ENPP2: variants seen among roughly 807,000 people sequenced by gnomAD.
ENPP2 encodes ectonucleotide pyrophosphatase/phosphodiesterase 2.
A neutral mutation model predicts 120.2 loss-of-function variants in ENPP2; 51 were observed. The ratio of observed to expected loss-of-function variants is 0.42; its 90% CI spans 0.34 to 0.54. The LOEUF (loss-of-function observed/expected upper bound fraction) is 0.54, where lower values mean the gene tolerates loss of function less well. ENPP2 is among the 20% of genes least tolerant of loss of function. The probability of loss-of-function intolerance (pLI) is 0.04; values close to 1 mark genes in which losing one functional copy is unlikely to be tolerated. For synonymous variants in ENPP2, 365 were observed against 366.4 expected (o/e 1.00, Z 0.04); for missense variants, 920 against 1,066.5 (o/e 0.86, Z 1.91).
At chr8:119,667,378 T>C (rs1304686505) in intron 1 of ENPP2, among the ~76,000 whole-genome samples, 1 of 152,214 alleles carries the variant, frequency 6.6e-6, no homozygotes, top group East Asian at 1.9e-4. Context: ...AATTCTTTAT[T>C]GTATTGAGCT....
At position 119,580,263 on chromosome 8, in the gene ENPP2, C is replaced by G. The variant is rs1359036812; in HGVS notation, c.1729-96G>C. On this transcript the variant is annotated intron_variant, in intron 18 of 24. Coordinates refer to ENST00000075322, the MANE Select transcript of ENPP2 (RefSeq NM_001040092.3). ...TGTCGACTTAGCACCCTGCTAAATT[C>G]AAAAGCGAACTCTAAACTCCATCTA... is the stretch of plus-strand genomic sequence containing the variant. 6 of 893,118 alleles carry G rather than the reference C, an allele frequency of 6.7e-6. No individual in the cohort carries two copies. The South Asian group carries it at 8.1e-5, about 12-fold the overall frequency. 55.3% of individuals were successfully genotyped at this position (893,118 alleles called of 1,614,324 possible).
intron 5 of ENPP2, among the ~76,000 whole-genome samples, chr8:119,618,809 CA>C (rs1181657749): frequency 4.6e-5 from 7 of 151,870 alleles, no homozygotes; most frequent in Non-Finnish European, 1.0e-4. Flanking sequence ...GCTGGGATTA[CA>C]GGTGTGTAAT....
chr8:119,575,089 C>T (rs1812237868), intron 19 of ENPP2, among the ~76,000 whole-genome samples: 1 of 152,200 alleles, frequency 6.6e-6, no homozygotes. Context: ...GTTAATGATA[C>T]ATATTTTTTT....
chr8:119,593,906 C>T, intron 11 of ENPP2, 46 bp from the exon 12 acceptor site: 3 of 1,078,336 alleles, frequency 2.8e-6, no homozygotes, highest in Middle Eastern at 4.0e-4. Context: ...TTCTTTCTTT[C>T]CCTTTCAGTC....
At chr8:119,599,828 G>A (rs1050819863) in intron 11 of ENPP2, among the ~76,000 whole-genome samples, 6 of 152,040 alleles carry the variant, frequency 3.9e-5, no homozygotes, top group South Asian at 2.1e-4. Flanking sequence ...ACAACATGGC[G>A]GAAGCCTGTC....
chr8:119,666,361 T>A (rs1289634067), intron 1 of ENPP2, among the ~76,000 whole-genome samples: 1 of 152,174 alleles, frequency 6.6e-6, no homozygotes, highest in Non-Finnish European at 1.5e-5. Context: ...GGTTACTGTA[T>A]TTTTCAAAGA....
At chr8:119,596,012 C>A in intron 11 of ENPP2, 1 of 1,613,098 alleles carries the variant, frequency 6.2e-7, no homozygotes, top group Non-Finnish European at 8.5e-7. Flanking sequence ...CCTGTACTGG[C>A]GGATAGAGAT....
At chr8:119,661,206 AC>A (rs1817910650) in intron 1 of ENPP2, among the ~76,000 whole-genome samples, 1 of 151,954 alleles carries the variant, frequency 6.6e-6, no homozygotes, top group South Asian at 2.1e-4. Context: ...TAGGACAAAT[AC>A]CTCATGCTTG....
intron 24 of ENPP2, among the ~76,000 whole-genome samples, chr8:119,558,432 G>A (rs1813646629): frequency 6.6e-6 from 1 of 152,032 alleles, no homozygotes; most frequent in Admixed American, 6.6e-5. Context: ...AAGAAGCGGG[G>A]GGAAAGGTAA....
At chr8:119,640,087 TA>T (rs1486753228), upstream of ENPP2, among the ~76,000 whole-genome samples, 1 of 152,188 alleles carries the variant, frequency 6.6e-6, no homozygotes, top group African/African-American at 2.4e-5. Flanking sequence ...AACTTGTTTA[TA>T]GGGGGTTGTA....
chr8:119,600,760 A>T lies in ENPP2; in HGVS notation c.900-10T>A, dbSNP rs1563718195. The T allele has an allele frequency of 6.4e-7, 1 of 1,573,184 alleles. No homozygotes were observed. The highest frequency in any genetic ancestry group is 8.7e-7 in the Non-Finnish European group (1 of 1,143,014). On this transcript the variant is annotated splice_polypyrimidine_tract_variant and intron_variant, in intron 10 of 24. Coordinates refer to ENST00000075322, the MANE Select transcript of ENPP2 (RefSeq NM_001040092.3). ...GGCATAGACCGAAGGCCTATAAGAA[A>T]ATTGGAAGGTTCAGAATCTCTCCTA... is the stretch of plus-strand genomic sequence containing the variant.
At chr8:119,623,118 C>T (rs899131525) in intron 3 of ENPP2, among the ~76,000 whole-genome samples, 1 of 152,094 alleles carries the variant, frequency 6.6e-6, no homozygotes, top group Non-Finnish European at 1.5e-5. Flanking sequence ...AATCCTGCCT[C>T]TTAGTAATAT....
rs887560398 is a variant in ENPP2 at position 119,589,615 on chromosome 8, G to A, written c.1207+890C>T. ...ACAGGAAAGGTCATGGAGGAGAGAG[G>A]GCAGAAACACCCACATTTTGTTTAT... On this transcript the variant is annotated intron_variant, in intron 13 of 24. Coordinates refer to ENST00000075322, the MANE Select transcript of ENPP2 (RefSeq NM_001040092.3). 8.5e-5 allele frequency among the ~76,000 whole-genome samples: 13 copies of A among 152,092 alleles called. No individual in the cohort carries two copies. The South Asian group carries it at 1.2e-3, about 15-fold the overall frequency.
At chr8:119,651,425 T>C (rs1817622487) in intron 1 of ENPP2, among the ~76,000 whole-genome samples, 1 of 152,192 alleles carries the variant, frequency 6.6e-6, no homozygotes, top group African/African-American at 2.4e-5. Context: ...AGTATTATCA[T>C]TGTGAATAGA....
chr8:119,673,318 C>CTTATGTAT (rs1458588672), exon 1 of ENPP2: 2 of 1,533,300 alleles, frequency 1.3e-6, no homozygotes, highest in African/African-American at 2.7e-5. Context: ...GCTGCGGACG[C>CTTATGTAT]GGCCTGGGCT....
intron 2 of ENPP2, among the ~76,000 whole-genome samples, chr8:119,636,225 T>C (rs1314770059): frequency 2.6e-5 from 4 of 152,218 alleles, no homozygotes; most frequent in African/African-American, 4.8e-5. Flanking sequence ...ACCAGTCACA[T>C]GTGTCAATCG....
chr8:119,634,140 G>A (rs556025173), intron 2 of ENPP2, among the ~76,000 whole-genome samples: 20 of 152,050 alleles, frequency 1.3e-4, no homozygotes, highest in Middle Eastern at 3.4e-3. Context: ...CTGAGATCAC[G>A]CCACTGCACT....
intron 14 of ENPP2, 137 bp from the exon 15 acceptor site, chr8:119,586,450 T>C: frequency 2.9e-6 from 2 of 697,342 alleles, no homozygotes; most frequent in Non-Finnish European, 4.8e-6. Context: ...TTTATTTCTA[T>C]TAAATAATGT....
At chr8:119,601,291 T>C in intron 10 of ENPP2, 106 bp downstream of exon 10, 1 of 796,588 alleles carries the variant, frequency 1.3e-6, no homozygotes, top group Non-Finnish European at 2.1e-6. Context: ...ACAAAACTTT[T>C]AATTCCAAAC....
Sources: gnomAD v4.1 joint callset for allele counts (sites outside exome capture counted in the v4.1 genomes callset) on GRCh38, gnomAD v4.1.1 for gene constraint, MANE v1.5 for transcripts, NCBI Gene and HGNC (gene_info 2026-07-23, HGNC 2026-07-21) for gene names.